Variants in INTS1 observed in about 807,000 individuals in gnomAD.
INTS1 encodes integrator complex subunit 1.
A neutral mutation model predicts 241.6 loss-of-function variants in INTS1; 137 were observed. The ratio of observed to expected loss-of-function variants is 0.57; its 90% CI spans 0.49 to 0.65. The LOEUF is 0.65. Ranked by LOEUF, INTS1 falls within the 30% of genes least tolerant of loss-of-function variation. The pLI is 0.00. For missense variants in INTS1, 3,073 were observed against 3,032.2 expected (o/e 1.01, Z -0.32); for synonymous variants, 1,692 against 1,337.8 (o/e 1.26, Z -5.78).
intron 22 of INTS1, among the ~76,000 whole-genome samples, chr7:1,486,133 C>T (rs6946371): frequency 0.43 from 64,778 of 151,166 alleles, 14,002 homozygotes; most frequent in East Asian, 0.7. Flanking sequence ...AGAGGATCTT[C>T]CTGTGTTGCC....
intron 14 of INTS1, chr7:1,494,572 G>T (rs1448396678): frequency 3.5e-6 from 2 of 576,480 alleles, no homozygotes; most frequent in Admixed American, 6.0e-5. Context: ...TCCGGGGGAG[G>T]CTGCGGCTGG....
Position 1,487,895 on chromosome 7 carries a change from C to A in INTS1, c.2381G>T (p.Arg794Leu). The change falls in exon 19 of 48, where the codon CGT becomes CTT. Residue 794 changes from arginine to leucine, a missense_variant. Coordinates refer to ENST00000404767, the MANE Select transcript of INTS1 (RefSeq NM_001080453.3). ...DEETRTEMLN[R>L]ELQTAQREKQ... ...CTCCCGCTGGGCGGTCTGCAGCTCA[C>A]GGTTCAGCATCTCCGTCCGGGTCTC... The A allele has an allele frequency of 1.2e-6, 2 of 1,613,544 alleles. No individual in the cohort carries two copies. The highest frequency in any genetic ancestry group is 1.7e-6 in the Non-Finnish European group (2 of 1,179,852).
intron 3 of INTS1, chr7:1,501,166 T>C (rs1783158435): frequency 6.6e-6 from 1 of 151,778 alleles, no homozygotes; most frequent in Non-Finnish European, 1.5e-5. Flanking sequence ...ATGCCTGTAA[T>C]CCCAGCTGCT....
chr7:1,476,894 AG>A lies in INTS1; in HGVS notation c.4962del (p.Ser1655ArgfsTer7). On this transcript the variant is annotated frameshift_variant, in exon 36 of 48. Coordinates refer to ENST00000404767, the MANE Select transcript of INTS1 (RefSeq NM_001080453.3). LOFTEE classifies it high-confidence loss of function. ...AGGGTCAGGAGGTAGGGACGGAACG[AG>A]GGCACCTGGGCCTGACCTTTGCCCT... ...RRKGKGQAQV[P>X]SFRPYLLTLF... 6.2e-7 allele frequency: 1 copy of A among 1,612,004 alleles called. No individual in the cohort carries two copies.
intron 16 of INTS1, among the ~76,000 whole-genome samples, chr7:1,490,488 G>A (rs1269758566): frequency 6.6e-6 from 1 of 151,988 alleles, no homozygotes; most frequent in African/African-American, 2.4e-5. Context: ...GGATAAACGG[G>A]AACCCCTGAA....
chr7:1,479,815 C>T, intron 30 of INTS1, 131 bp from the exon 31 acceptor site: 1 of 1,065,300 alleles, frequency 9.4e-7, no homozygotes, highest in African/African-American at 1.6e-5. Context: ...TTCGTAGCCC[C>T]CACCTTGTGG....
chr7:1,473,480 G>C (rs193247999), intron 42 of INTS1, 86 bp downstream of exon 42: 7 of 1,474,412 alleles, frequency 4.7e-6, no homozygotes, highest in African/African-American at 2.8e-5. Context: ...TATCTGACAC[G>C]ACACGGCCTT....
intron 9 of INTS1, 53 bp downstream of exon 9, chr7:1,498,654 A>G: frequency 1.0e-5 from 2 of 199,806 alleles, no homozygotes; most frequent in East Asian, 1.7e-4. Context: ...CCACACCCCC[A>G]CCCACACCCC....
In INTS1 at chr7:1,496,212, C is replaced by T. The variant is rs1782844348; in HGVS notation, c.1655G>A (p.Gly552Asp). ...TDVLAVSMML[G>D]ITAQVKEAGI... is the part of the protein sequence containing the mutation. Reference sequence around the variant, plus strand: ...GGCCTCCTTCACCTGCGCTGTGATGCCCAGCATCATGGACACGGCCAGGAC... The same window carrying T: ...GGCCTCCTTCACCTGCGCTGTGATGTCCAGCATCATGGACACGGCCAGGAC... The change falls in exon 12 of 48, where the codon GGC becomes GAC. Residue 552 changes from glycine (G) to aspartate (D), a missense_variant. By Grantham distance (94) the Gly-to-Asp change is moderately conservative. Coordinates refer to ENST00000404767, the MANE Select transcript of INTS1 (RefSeq NM_001080453.3). 6.2e-7 allele frequency: 1 copy of T among 1,613,772 alleles called. No homozygotes were observed. Among genetic ancestry groups the T allele is most frequent in the African/African-American group, 1.3e-5 (1 of 74,940 alleles).
Position 1,493,609 on chromosome 7 carries a change from C to T in INTS1, c.2068+145G>A. The T allele has an allele frequency of 2.1e-6, 2 of 969,100 alleles. No homozygotes were observed. Among genetic ancestry groups the T allele is most frequent in the Non-Finnish European group, 2.9e-6 (2 of 700,826 alleles). The allele number at this position is 969,100 out of a possible 1,614,324, so 60.0% of individuals were successfully genotyped here. On this transcript the variant is annotated intron_variant, in intron 15 of 47. Transcript: ENST00000404767. The surrounding 1 kb of genome is among the most constrained non-coding windows in gnomAD (Gnocchi z 5.3). ...TTCCCAACGGCAGATGTGGAGAAGGCAGGTCCCCGAGCCTCCCGGGGACCC... is the reference window on the plus strand; with the variant it reads ...TTCCCAACGGCAGATGTGGAGAAGGTAGGTCCCCGAGCCTCCCGGGGACCC...
Position 1,481,942 on chromosome 7 carries a change from C to T in INTS1, c.3704-454G>A, listed in dbSNP as rs1011320763. On this transcript the variant is annotated intron_variant, in intron 27 of 47. Coordinates refer to ENST00000404767, the MANE Select transcript of INTS1 (RefSeq NM_001080453.3). The surrounding 1 kb of genome is among the most constrained non-coding windows in gnomAD (Gnocchi z 6.8). Reference sequence around the variant, plus strand: ...ATGGTGGCACGGCGCAGTACACTTCCGAAGCTGCACGCAGGCTGCTGTGAC... The same window carrying T: ...ATGGTGGCACGGCGCAGTACACTTCTGAAGCTGCACGCAGGCTGCTGTGAC... Among the ~76,000 whole-genome samples, 12 of 152,272 alleles carry T rather than the reference C, an allele frequency of 7.9e-5. No homozygotes were observed. Among genetic ancestry groups the T allele is most frequent in the South Asian group, 6.2e-4 (3 of 4,818 alleles).
At chr7:1,490,408 G>A (rs976066855) in intron 16 of INTS1, among the ~76,000 whole-genome samples, 6 of 151,900 alleles carry the variant, frequency 3.9e-5, no homozygotes, top group Admixed American at 2.6e-4. Context: ...TGTCGGCTCC[G>A]GATAAACGGG....
rs2128541976 is a variant in INTS1 at position 1,493,674 on chromosome 7, G to A, written c.2068+80C>T. On this transcript the variant is annotated intron_variant, in intron 15 of 47. Transcript: ENST00000404767. This position sits in a 1 kb window ranked among gnomAD's most constrained non-coding sequence, Gnocchi z 5.3. ...GCGCAGCTTTGTGGAGCGCCCCAGAGGTGCGTGCCAGAGCCGGGGTTTCTG... is the reference window on the plus strand; with the variant it reads ...GCGCAGCTTTGTGGAGCGCCCCAGAAGTGCGTGCCAGAGCCGGGGTTTCTG... 1 of 1,479,938 alleles carries A rather than the reference G, an allele frequency of 6.8e-7. No homozygotes were observed. Among genetic ancestry groups the A allele is most frequent in the African/African-American group, 1.4e-5 (1 of 71,462 alleles). The allele number at this position is 1,479,938 out of a possible 1,614,324, so 91.7% of individuals were successfully genotyped here.
intron 14 of INTS1, among the ~76,000 whole-genome samples, chr7:1,494,150 G>A (rs541758780): frequency 6.6e-6 from 1 of 152,262 alleles, no homozygotes; most frequent in South Asian, 2.1e-4. Flanking sequence ...AGGCCTTTGG[G>A]GATACACACA....
In INTS1 at chr7:1,479,614, T is replaced by A. The variant is rs1417160013; in HGVS notation, c.4145A>T (p.Gln1382Leu). The change falls in exon 31 of 48, where the codon CAG (glutamine) becomes CTG (leucine). Residue 1382 changes from glutamine to leucine, a missense_variant. Transcript: ENST00000404767. The part of the protein sequence containing the change: ...SPRPVALALQ[Q>L]ALGQELARVV... Reference sequence around the variant, plus strand: ...GCGGGCCAGCTCCTGGCCCAGGGCCTGCTGCAGGGCGAGGGCCACGGGGCG... The same window carrying A: ...GCGGGCCAGCTCCTGGCCCAGGGCCAGCTGCAGGGCGAGGGCCACGGGGCG... 2.6e-6 allele frequency: 4 copies of A among 1,529,846 alleles called. No individual in the cohort carries two copies. In the Admixed American group the frequency reaches 6.0e-5, roughly 23 times the overall value. The allele number at this position is 1,529,846 out of a possible 1,614,324, so 94.8% of individuals were successfully genotyped here. A position where few individuals can be genotyped will look rare whatever the true frequency, so the allele number is the denominator to read the frequency against.
Position 1,471,239 on chromosome 7 carries a change from G to C in INTS1, c.6256-15C>G, listed in dbSNP as rs750894155. The C allele has an allele frequency of 2.6e-6, 4 of 1,564,180 alleles. No individual in the cohort carries two copies. Among genetic ancestry groups the C allele is most frequent in the Non-Finnish European group, 2.6e-6 (3 of 1,155,318 alleles). On this transcript the variant is annotated splice_polypyrimidine_tract_variant and intron_variant, in intron 45 of 47. Coordinates refer to ENST00000404767, the MANE Select transcript of INTS1 (RefSeq NM_001080453.3). ...TGCAGGTTGGTCTGACCGGGGGAAA[G>C]GTGGGAGGTGTGTGACCAAGGGGTC...
Position 1,493,695 on chromosome 7 carries a change from T to C in INTS1, c.2068+59A>G. On this transcript the variant is annotated intron_variant, in intron 15 of 47. Coordinates refer to ENST00000404767, the MANE Select transcript of INTS1 (RefSeq NM_001080453.3). The surrounding 1 kb of genome is among the most constrained non-coding windows in gnomAD (Gnocchi z 5.3). ...CAGAGGTGCGTGCCAGAGCCGGGGT[T>C]TCTGCAGGGACGAGGGGAGCAGACC... The C allele has an allele frequency of 6.6e-7, 1 of 1,507,192 alleles. No homozygotes were observed. The highest frequency in any genetic ancestry group is 8.9e-7 in the Non-Finnish European group (1 of 1,122,674). 93.4% of individuals were successfully genotyped at this position (1,507,192 alleles called of 1,614,324 possible).
Position 1,477,739 on chromosome 7 carries a change from G to A in INTS1, c.4814+14C>T. 1 of 1,611,310 alleles carries A rather than the reference G, an allele frequency of 6.2e-7. No individual in the cohort carries two copies. The highest frequency in any genetic ancestry group is 8.5e-7 in the Non-Finnish European group (1 of 1,179,280). On this transcript the variant is annotated intron_variant, in intron 34 of 47. Coordinates refer to ENST00000404767, the MANE Select transcript of INTS1 (RefSeq NM_001080453.3). Reference sequence around the variant, plus strand: ...CGCCTGCCCACCCTGGCCGTGTGCAGCACCCCAGCTCACCTGCCACCGTCC... The same window carrying A: ...CGCCTGCCCACCCTGGCCGTGTGCAACACCCCAGCTCACCTGCCACCGTCC...
Position 1,484,566 on chromosome 7 carries a change from G to A in INTS1, c.3262-396C>T, listed in dbSNP as rs527935137. Among the ~76,000 whole-genome samples, 82 of 152,308 alleles carry A rather than the reference G, an allele frequency of 5.4e-4. 1 individual carries two copies. Among genetic ancestry groups the A allele is most frequent in the African/African-American group, 1.6e-3 (68 of 41,532 alleles). ...GCCCAGCAGAGAAGGACAGCACCCAGGAGAGAAGATGGGAGTCAGCGCCAC... is the reference window on the plus strand; with the variant it reads ...GCCCAGCAGAGAAGGACAGCACCCAAGAGAGAAGATGGGAGTCAGCGCCAC... On this transcript the variant is annotated intron_variant, in intron 24 of 47. Transcript: ENST00000404767.
Sources: allele counts gnomAD v4.1 joint callset (sites outside exome capture counted in the v4.1 genomes callset), GRCh38; gene constraint gnomAD v4.1.1; non-coding constraint Gnocchi (gnomAD v3.1); transcripts MANE v1.5; gene names NCBI Gene and HGNC (gene_info 2026-07-23, HGNC 2026-07-21).